The following TMEM248 variants were observed in gnomAD, a reference collection of about 807,000 sequenced individuals.
TMEM248 encodes the protein transmembrane protein 248, also known as UPF0458 protein C7orf42.
Under a neutral mutation model 30.3 loss-of-function variants are expected in TMEM248, and 9 were observed. The observed-to-expected ratio is 0.30, with a 90% CI of 0.18 to 0.52. The LOEUF is 0.52. TMEM248 is among the 20% of genes least tolerant of loss of function. The pLI is 0.97. For missense variants in TMEM248, 338 were observed against 403.3 expected (o/e 0.84, Z 1.39); for synonymous variants, 184 against 154.4 (o/e 1.19, Z -1.42).
At chr7:66,950,366 A>G (rs1792229254) in intron 4 of TMEM248, among the ~76,000 whole-genome samples, 1 of 152,164 alleles carries the variant, frequency 6.6e-6, no homozygotes, top group Non-Finnish European at 1.5e-5. Flanking sequence ...TGCTGTTCTC[A>G]TAGTAAGAGA....
intron 1 of TMEM248, among the ~76,000 whole-genome samples, chr7:66,925,409 C>T (rs1791497207): frequency 6.6e-6 from 1 of 152,158 alleles, no homozygotes; most frequent in South Asian, 2.1e-4. Context: ...TACCCTTTGA[C>T]CATCATCTCC....
At chr7:66,934,702 A>G (rs1413952060) in intron 1 of TMEM248, among the ~76,000 whole-genome samples, 2 of 152,052 alleles carry the variant, frequency 1.3e-5, no homozygotes, top group African/African-American at 4.8e-5. Context: ...GTTTTCCTGA[A>G]TGTTTCATAA....
chr7:66,921,567 T>A (rs1791385739), intron 1 of TMEM248, 106 bp downstream of exon 1: 1 of 152,278 alleles, frequency 6.6e-6, no homozygotes, highest in Non-Finnish European at 1.5e-5. Flanking sequence ...CGCCGGCTTT[T>A]TTCACCGCTT....
intron 1 of TMEM248, among the ~76,000 whole-genome samples, chr7:66,921,668 C>G (rs1232557726): frequency 1.3e-5 from 2 of 152,232 alleles, no homozygotes; most frequent in East Asian, 1.9e-4. Context: ...GGTTTGCCCA[C>G]TCGCGTCCCC....
At chr7:66,932,281 T>C (rs1791689020) in intron 1 of TMEM248, among the ~76,000 whole-genome samples, 1 of 152,224 alleles carries the variant, frequency 6.6e-6, no homozygotes, top group Non-Finnish European at 1.5e-5. Flanking sequence ...CACCTCTCCC[T>C]TTCACCTGAA....
chr7:66,931,689 G>A (rs1377833921), intron 1 of TMEM248, among the ~76,000 whole-genome samples: 2 of 151,680 alleles, frequency 1.3e-5, no homozygotes, highest in Non-Finnish European at 2.9e-5. Context: ...TGTTGGCCAG[G>A]CTGGTTTCTA....
chr7:66,939,337 C>G (rs1449580107), intron 1 of TMEM248, among the ~76,000 whole-genome samples: 1 of 152,192 alleles, frequency 6.6e-6, no homozygotes, highest in Non-Finnish European at 1.5e-5. Flanking sequence ...GCCCCTCAGA[C>G]TGGAATAACT....
chr7:66,955,554 G>C lies in TMEM248; in HGVS notation c.*32G>C. ...AGCTCCTTGTTTTTTGAGAGAGACT[G>C]AGAGAACCATAATCCTTGCCTGCTG... On this transcript the variant is annotated 3_prime_UTR_variant, in exon 7 of 7. Transcript: ENST00000341567. The C allele has an allele frequency of 6.2e-7, 1 of 1,613,796 alleles. No individual in the cohort carries two copies. Among genetic ancestry groups the C allele is most frequent in the Non-Finnish European group, 8.5e-7 (1 of 1,179,920 alleles).
At chr7:66,937,316 G>C (rs569625582) in intron 1 of TMEM248, among the ~76,000 whole-genome samples, 97 of 152,230 alleles carry the variant, frequency 6.4e-4, no homozygotes, top group African/African-American at 2.2e-3. Context: ...AATGTTTTAA[G>C]ACTTGTTCTG....
At chr7:66,946,085 CAAAAA>C (rs34151581) in intron 3 of TMEM248, among the ~76,000 whole-genome samples, 1 of 104,166 alleles carries the variant, frequency 9.6e-6, no homozygotes, top group Non-Finnish European at 2.0e-5. Context: ...ACTCTCTCTC[CAAAAA>C]AAAAAAAAAA....
chr7:66,941,753 C>A, intron 1 of TMEM248, 95 bp from the exon 2 acceptor site: 1 of 1,074,230 alleles, frequency 9.3e-7, no homozygotes, highest in African/African-American at 1.6e-5. Flanking sequence ...CCCATCCCAC[C>A]CAGCTCACCC....
At chr7:66,933,857 C>T (rs1374268982) in intron 1 of TMEM248, among the ~76,000 whole-genome samples, 2 of 152,198 alleles carry the variant, frequency 1.3e-5, no homozygotes, top group Non-Finnish European at 2.9e-5. Context: ...AGCTTCCCAG[C>T]AGTGGTCATT....
chr7:66,921,701 C>G (rs1464315891), intron 1 of TMEM248: 1 of 152,326 alleles, frequency 6.6e-6, no homozygotes, highest in Non-Finnish European at 1.5e-5. Context: ...CCCTGCCGGC[C>G]TTGGAGATGG....
chr7:66,935,361 T>G (rs1207466395), intron 1 of TMEM248, among the ~76,000 whole-genome samples: 3 of 152,016 alleles, frequency 2.0e-5, no homozygotes, highest in Non-Finnish European at 4.4e-5. Context: ...GTTTGTATTT[T>G]TAGTAGAGAC....
chr7:66,929,425 A>AT (rs1474341098), intron 1 of TMEM248, among the ~76,000 whole-genome samples: 1 of 124,624 alleles, frequency 8.0e-6, no homozygotes, highest in Non-Finnish European at 1.8e-5. Context: ...ATGAGAGACA[A>AT]ATTTTTTTTT....
rs192433459 is a variant in TMEM248, at chr7:66,930,923, C to T, written c.-19+9462C>T. On this transcript the variant is annotated intron_variant, in intron 1 of 6. Coordinates refer to ENST00000341567, the MANE Select transcript of TMEM248 (RefSeq NM_017994.5). ...AGTCCGATGTATTTCCTTTGGTTGG[C>T]GTAGAGAGCAGGCTTGCTTCTCCCA... The T allele has an allele frequency of 1.6e-3, 240 of 152,672 alleles. 1 individual carries two copies. The highest frequency in any genetic ancestry group is 3.4e-3 in the Middle Eastern group (1 of 294). 9.5% of individuals were successfully genotyped at this position (152,672 alleles called of 1,614,324 possible). A position where few individuals can be genotyped will look rare whatever the true frequency, so the allele number is the denominator to read the frequency against.
intron 1 of TMEM248, 83 bp from the exon 2 acceptor site, chr7:66,941,765 C>G (rs559406051): frequency 1.4e-5 from 18 of 1,321,458 alleles, no homozygotes; most frequent in Non-Finnish European, 1.7e-5. Flanking sequence ...AGCTCACCCC[C>G]CAACACCTCA....
At chr7:66,939,594 G>T (rs1050730354) in intron 1 of TMEM248, among the ~76,000 whole-genome samples, 4 of 152,206 alleles carry the variant, frequency 2.6e-5, no homozygotes, top group African/African-American at 9.7e-5. Flanking sequence ...CTCATTGTGT[G>T]CCAGCTACTG....
chr7:66,945,095 G>A lies in TMEM248; in HGVS notation c.279G>A (p.Gln93=). 1 of 1,614,228 alleles carries A rather than the reference G, an allele frequency of 6.2e-7. No homozygotes were observed. Among genetic ancestry groups the A allele is most frequent in the Non-Finnish European group, 8.5e-7 (1 of 1,180,046 alleles). The change falls in exon 3 of 7, where the codon CAG becomes CAA. Residue 93 remains glutamine (Q), a synonymous_variant. Coordinates refer to ENST00000341567, the MANE Select transcript of TMEM248 (RefSeq NM_017994.5). ...TTPESTMTSG[Q]ARASTQSPQA... ...CGGAAAGTACAATGACCAGCGGGCA[G>A]GCCCGAGCTTCCACCCAGTCCCCCC...
Sources: gnomAD v4.1 joint callset for allele counts (sites outside exome capture counted in the v4.1 genomes callset) on GRCh38, gnomAD v4.1.1 for gene constraint, MANE v1.5 for transcripts, NCBI Gene and HGNC (gene_info 2026-07-23, HGNC 2026-07-21) for gene names.